Variants in FANCI observed in about 807,000 individuals in gnomAD.
The protein encoded by FANCI is FA complementation group I.
In FANCI, 156 loss-of-function variants were observed where a neutral mutation model predicts 176.1. That is an observed-to-expected ratio of 0.89 (90% confidence interval 0.78 to 1.01). The LOEUF (loss-of-function observed/expected upper bound fraction) is 1.01. Ranked by LOEUF, FANCI falls within the 50% of genes least tolerant of loss-of-function variation. FANCI has a pLI of 0.00. For synonymous variants in FANCI, 613 were observed against 541.7 expected (o/e 1.13, Z -1.83); for missense variants, 1,678 against 1,534.1 (o/e 1.09, Z -1.57).
intron 12 of FANCI, among the ~76,000 whole-genome samples, chr15:89,276,480 G>C (rs1188233741): frequency 2.0e-5 from 3 of 152,058 alleles, no homozygotes; most frequent in Non-Finnish European, 4.4e-5. Context: ...CTAGCTTCTG[G>C]ATTTTCCCAG....
rs1298607326 is a variant in FANCI at position 89,294,987 on chromosome 15, G to A, written c.2529G>A (p.Val843=). 1 of 1,552,312 alleles carries A rather than the reference G, an allele frequency of 6.4e-7. No homozygotes were observed. Among genetic ancestry groups the A allele is most frequent in the Non-Finnish European group, 8.7e-7 (1 of 1,147,136 alleles). The change falls in exon 24 of 38, where the codon GTG becomes GTA. Residue 843 remains valine (V), a synonymous_variant. Coordinates refer to ENST00000310775, the MANE Select transcript of FANCI (RefSeq NM_001113378.2). ...RSSNEFMRYA[V]NVALQKVQQL... ...GCAATGAGTTTATGCGCTATGCAGTGAATGTAGCTCTGCAGAAAGTACAGC... is the reference window on the plus strand; with the variant it reads ...GCAATGAGTTTATGCGCTATGCAGTAAATGTAGCTCTGCAGAAAGTACAGC...
intron 12 of FANCI, among the ~76,000 whole-genome samples, chr15:89,274,838 CAAGCAA>C (rs2053347302): frequency 2.0e-5 from 3 of 151,962 alleles, no homozygotes; most frequent in Non-Finnish European, 4.4e-5. Flanking sequence ...CTTCTGAGCT[CAAGCAA>C]TCCACCTGCC....
rs201770038 is a variant in FANCI, at chr15:89,253,543, A to T, written c.85-5161A>T. On this transcript the variant is annotated intron_variant, in intron 2 of 37. Transcript: ENST00000310775. ...AATAAATAAATAAATAAATAAATAA[A>T]TAAGTATATGTTAGAAGAAAACATG... is the stretch of plus-strand genomic sequence containing the variant. Among the ~76,000 whole-genome samples, 769 of 143,474 alleles carry T rather than the reference A, an allele frequency of 5.4e-3. 8 individuals carry two copies. The highest frequency in any genetic ancestry group is 0.017 in the African/African-American group (690 of 39,618). 94.1% of individuals were successfully genotyped at this position (143,474 alleles called of 152,430 possible).
chr15:89,315,869 C>T (rs1455566621), intron 37 of FANCI, among the ~76,000 whole-genome samples: 5 of 152,188 alleles, frequency 3.3e-5, no homozygotes, highest in African/African-American at 1.2e-4. Context: ...ATCCCTGCAC[C>T]ACCTTTGAAA....
Position 89,294,972 on chromosome 15 carries a change from T to C in FANCI, c.2514T>C (p.Phe838=), listed in dbSNP as rs1053422129. The C allele has an allele frequency of 6.4e-7, 1 of 1,552,320 alleles. No individual in the cohort carries two copies. Among genetic ancestry groups the C allele is most frequent in the African/African-American group, 1.4e-5 (1 of 73,138 alleles). ...SLSVLRSSNE[F]MRYAVNVALQ... ...CTGTTCTCAGGTCCAGCAATGAGTT[T>C]ATGCGCTATGCAGTGAATGTAGCTC... The change falls in exon 24 of 38, where the codon TTT becomes TTC. Residue 838 remains phenylalanine (F), a synonymous_variant. Transcript: ENST00000310775.
intron 22 of FANCI, 82 bp from the exon 23 acceptor site, chr15:89,293,751 C>G (rs1337942807): frequency 1.6e-6 from 2 of 1,249,760 alleles, no homozygotes; most frequent in Non-Finnish European, 2.3e-6. Flanking sequence ...TTTAAAGAAG[C>G]ATTGTGATTA....
At chr15:89,299,705 T>C (rs1229643506) in intron 24 of FANCI, 95 bp from the exon 25 acceptor site, 2 of 1,281,588 alleles carry the variant, frequency 1.6e-6, no homozygotes, top group South Asian at 1.3e-5. Flanking sequence ...TTTAAACTTC[T>C]AGAACTGTTC....
chr15:89,257,534 A>G (rs75426203), intron 2 of FANCI, among the ~76,000 whole-genome samples: 148 of 152,200 alleles, frequency 9.7e-4, no homozygotes, highest in African/African-American at 3.2e-3. Context: ...ATCACCTGAT[A>G]TCTGCTTTCA....
intron 18 of FANCI, among the ~76,000 whole-genome samples, chr15:89,289,250 G>A (rs899589345): frequency 2.0e-5 from 3 of 152,000 alleles, no homozygotes; most frequent in Admixed American, 1.3e-4. Flanking sequence ...TTTAATTGCT[G>A]TTAGGATTAA....
chr15:89,290,161 AT>A (rs1443884650), intron 18 of FANCI, 51 bp from the exon 19 acceptor site: 14 of 1,346,782 alleles, frequency 1.0e-5, no homozygotes, highest in Non-Finnish European at 1.1e-6. Context: ...GATTGTCCAG[AT>A]CACTAGTATC....
chr15:89,305,904 C>A, intron 31 of FANCI, 103 bp from the exon 32 acceptor site: 1 of 1,274,720 alleles, frequency 7.8e-7, no homozygotes, highest in Non-Finnish European at 1.1e-6. Flanking sequence ...GTTCGTTTTT[C>A]CATAAAGACT....
At chr15:89,290,795 A>G (rs148524118) in intron 19 of FANCI, among the ~76,000 whole-genome samples, 1,549 of 152,270 alleles carry the variant, frequency 0.01, 14 homozygotes, top group Non-Finnish European at 0.015. Flanking sequence ...CCCCTAGTCT[A>G]TCATTTTGTT....
chr15:89,289,042 G>A (rs183817298), intron 18 of FANCI, among the ~76,000 whole-genome samples: 1 of 150,736 alleles, frequency 6.6e-6, no homozygotes, highest in East Asian at 1.9e-4. Flanking sequence ...TGTTTTTGAC[G>A]TTTAGCTACT....
intron 3 of FANCI, 99 bp downstream of exon 3, chr15:89,258,875 A>G (rs2052605163): frequency 1.1e-6 from 1 of 902,280 alleles, no homozygotes; most frequent in African/African-American, 1.6e-5. Context: ...CCACTGGAAC[A>G]TTTTCCATGT....
chr15:89,252,346 A>G (rs985030828), intron 2 of FANCI, among the ~76,000 whole-genome samples: 1 of 152,134 alleles, frequency 6.6e-6, no homozygotes, highest in South Asian at 2.1e-4. Flanking sequence ...TGTAGATGGC[A>G]TGATAGTATA....
At chr15:89,246,306 C>G (rs1184890798) in intron 1 of FANCI, among the ~76,000 whole-genome samples, 1 of 152,292 alleles carries the variant, frequency 6.6e-6, no homozygotes, top group East Asian at 1.9e-4. Context: ...TCCAAATGGT[C>G]TCTTAGCATT....
At position 89,278,751 on chromosome 15, in the gene FANCI, C is replaced by A; in HGVS notation, c.1358C>A (p.Ser453Tyr). 1 of 1,613,574 alleles carries A rather than the reference C, an allele frequency of 6.2e-7. No homozygotes were observed. Among genetic ancestry groups the A allele is most frequent in the Non-Finnish European group, 8.5e-7 (1 of 1,179,538 alleles). ...QVLNRVVTRA[S>Y]SPISHFLDLL... ...CTCAACAGGGTTGTTACCAGAGCATCTTCTCCCATCAGTCATTTCTTAGGT... is the reference window on the plus strand; with the variant it reads ...CTCAACAGGGTTGTTACCAGAGCATATTCTCCCATCAGTCATTTCTTAGGT... Residue 453 changes from serine to tyrosine, a missense_variant, in exon 14 of 38, where the codon TCT becomes TAT. Physicochemically the swap from Ser to Tyr is moderately radical, Grantham distance 144. This residue lies in a region of FANCI where 1,204 missense variants were observed against 1,077.4 expected (regional missense o/e 1.12). Transcript: ENST00000310775.
Position 89,285,305 on chromosome 15 carries a change from A to G in FANCI, c.1821+87A>G, listed in dbSNP as rs566291257. 74 of 1,523,824 alleles carry G rather than the reference A, an allele frequency of 4.9e-5. No individual in the cohort carries two copies. The East Asian group carries it at 1.7e-3, about 34-fold the overall frequency. The allele number at this position is 1,523,824 out of a possible 1,614,324, so 94.4% of individuals were successfully genotyped here. The stretch of plus-strand genomic sequence containing the variant: ...TTTTTTTCCTGATTATAAAAGTACA[A>G]TAGCTATGCTCTTACTTGATGTAGT... On this transcript the variant is annotated intron_variant, in intron 18 of 37. Coordinates refer to ENST00000310775, the MANE Select transcript of FANCI (RefSeq NM_001113378.2).
chr15:89,271,319 C>T (rs927764843), intron 10 of FANCI, among the ~76,000 whole-genome samples: 1 of 152,090 alleles, frequency 6.6e-6, no homozygotes, highest in Non-Finnish European at 1.5e-5. Context: ...TGCATTAGCA[C>T]TCCCAGTCCC....
Sources: allele counts gnomAD v4.1 joint callset (sites outside exome capture counted in the v4.1 genomes callset), GRCh38; gene constraint gnomAD v4.1.1; regional missense constraint gnomAD v4.1.1; transcripts MANE v1.5; gene names NCBI Gene and HGNC (gene_info 2026-07-23, HGNC 2026-07-21).